Variants in PDE11A observed in about 807,000 individuals in gnomAD.
PDE11A encodes dual 3',5'-cyclic-AMP and -GMP phosphodiesterase 11A.
Under a neutral mutation model 100.5 loss-of-function variants are expected in PDE11A, and 100 were observed. That is an observed-to-expected ratio of 1.00 (90% CI 0.85 to 1.18). The LOEUF is 1.18. Ranked by LOEUF, PDE11A falls within the 50% of genes most tolerant of loss-of-function variation. The pLI is 0.00. For synonymous variants in PDE11A, 381 were observed against 420.8 expected (o/e 0.91, Z 1.16); for missense variants, 1,141 against 1,152.6 (o/e 0.99, Z 0.15).
At chr2:177,704,342 AG>A (rs2081246557) in intron 13 of PDE11A, among the ~76,000 whole-genome samples, 1 of 152,154 alleles carries the variant, frequency 6.6e-6, no homozygotes, top group African/African-American at 2.4e-5. Flanking sequence ...CTCAACTTTG[AG>A]GGGTTTTTTT....
chr2:178,013,093 T>C (rs1163521473), intron 2 of PDE11A, among the ~76,000 whole-genome samples: 2 of 152,200 alleles, frequency 1.3e-5, no homozygotes, highest in African/African-American at 2.4e-5. Flanking sequence ...AGAGGACAGA[T>C]CAAATACCGC....
At chr2:177,847,609 C>A (rs145335639) in intron 5 of PDE11A, among the ~76,000 whole-genome samples, 2 of 152,284 alleles carry the variant, frequency 1.3e-5, no homozygotes, top group African/African-American at 2.4e-5. Flanking sequence ...GACCTCCAAC[C>A]TTTGGGGATA....
chr2:177,845,812 T>C lies in PDE11A; in HGVS notation c.1368-5429A>G, dbSNP rs542146839. Among the ~76,000 whole-genome samples the C allele has an allele frequency of 7.3e-3, 1,105 of 152,284 alleles. 13 individuals are homozygous for C. The highest frequency in any genetic ancestry group is 0.025 in the African/African-American group (1,029 of 41,560). ...GGGAGGCCGAGGCTGGTGGATCACTTGCGGTTAGGGGCTGGAGACCGGCCT... is the reference window on the plus strand; with the variant it reads ...GGGAGGCCGAGGCTGGTGGATCACTCGCGGTTAGGGGCTGGAGACCGGCCT... On this transcript the variant is annotated intron_variant, in intron 5 of 19. Transcript: ENST00000286063.
chr2:178,098,234 A>G lies in PDE11A; in HGVS notation c.162+6068T>C, dbSNP rs187827565. On this transcript the variant is annotated intron_variant, in intron 2 of 20. Coordinates refer to the PDE11A transcript ENST00000358450. ...TAACAATCCCCAGCTGTATTTAAAC[A>G]TCCAAAAACTGGGACAATATAGTTC... Among the ~76,000 whole-genome samples the G allele has an allele frequency of 2.0e-5, 3 of 152,340 alleles. No individual in the cohort carries two copies. In the East Asian group the frequency reaches 5.8e-4, roughly 29 times the overall value.
At chr2:177,629,660 C>T in intron 19 of PDE11A, 98 bp from the exon 20 acceptor site, 1 of 1,245,148 alleles carries the variant, frequency 8.0e-7, no homozygotes, top group Non-Finnish European at 1.2e-6. Context: ...TGGAAACTGG[C>T]TATAGGAAAT....
At chr2:178,042,218 G>A (rs1392189111) in intron 1 of PDE11A, among the ~76,000 whole-genome samples, 1 of 152,154 alleles carries the variant, frequency 6.6e-6, no homozygotes, top group African/African-American at 2.4e-5. Flanking sequence ...GGTAGCTCAT[G>A]CCTGTAAACC....
Position 177,636,271 on chromosome 2 carries a change from A to G in PDE11A, c.2647-6709T>C, listed in dbSNP as rs553827962. Among the ~76,000 whole-genome samples, 17 of 152,244 alleles carry G rather than the reference A, an allele frequency of 1.1e-4. No homozygotes were observed. The East Asian group carries it at 2.9e-3, about 26-fold the overall frequency. On this transcript the variant is annotated intron_variant, in intron 19 of 19. Transcript: ENST00000286063. ...AGAATTTGATCCCTCTCTTCTCTGTATACTCCAGATGCTAATTTCTACACA... is the reference window on the plus strand; with the variant it reads ...AGAATTTGATCCCTCTCTTCTCTGTGTACTCCAGATGCTAATTTCTACACA...
intron 2 of PDE11A, among the ~76,000 whole-genome samples, chr2:177,928,777 C>T (rs1464141243): frequency 1.3e-5 from 2 of 151,756 alleles, no homozygotes; most frequent in African/African-American, 4.8e-5. Context: ...GTGGGAGGAT[C>T]GCTTGGGTGT....
intron 2 of PDE11A, among the ~76,000 whole-genome samples, chr2:178,012,800 T>C (rs1018306491): frequency 2.0e-5 from 3 of 152,186 alleles, no homozygotes; most frequent in African/African-American, 7.2e-5. Context: ...AGGACTACCA[T>C]CTGTGTACAA....
intron 2 of PDE11A, among the ~76,000 whole-genome samples, chr2:177,939,640 T>G: frequency 6.6e-6 from 1 of 152,108 alleles, no homozygotes; most frequent in African/African-American, 2.4e-5. Context: ...CAGAAATAGA[T>G]AGTTACAGAG....
intron 9 of PDE11A, among the ~76,000 whole-genome samples, chr2:177,810,497 C>T (rs2082934543): frequency 6.6e-6 from 1 of 152,044 alleles, no homozygotes; most frequent in Non-Finnish European, 1.5e-5. Flanking sequence ...ATGATGGGAA[C>T]ATTTTGAGTG....
At chr2:177,847,118 C>T (rs1206129844) in intron 5 of PDE11A, among the ~76,000 whole-genome samples, 1 of 152,094 alleles carries the variant, frequency 6.6e-6, no homozygotes, top group Non-Finnish European at 1.5e-5. Context: ...TTATTCGTAC[C>T]ATGCCAGCCC....
At chr2:177,830,655 GTTGTT>G in intron 6 of PDE11A, among the ~76,000 whole-genome samples, 1 of 148,232 alleles carries the variant, frequency 6.7e-6, no homozygotes, top group Non-Finnish European at 1.5e-5. Flanking sequence ...ATAATCAGGT[GTTGTT>G]TTAAGTGCTG....
At chr2:178,050,288 C>T (rs1312305825) in intron 1 of PDE11A, among the ~76,000 whole-genome samples, 1 of 152,182 alleles carries the variant, frequency 6.6e-6, no homozygotes, top group Non-Finnish European at 1.5e-5. Context: ...AGCAGAGGGT[C>T]CTGACTGTTA....
At chr2:177,769,887 A>G (rs1445749451) in intron 9 of PDE11A, among the ~76,000 whole-genome samples, 2 of 42,672 alleles carry the variant, frequency 4.7e-5, no homozygotes, top group African/African-American at 2.1e-4. Context: ...GACCCTATCA[A>G]AAAAAAAAAA....
At chr2:177,845,137 T>A (rs2083561873) in intron 5 of PDE11A, among the ~76,000 whole-genome samples, 1 of 151,112 alleles carries the variant, frequency 6.6e-6, no homozygotes, top group Non-Finnish European at 1.5e-5. Context: ...GCTCCTCACC[T>A]CCCGGACGGG....
intron 2 of PDE11A, among the ~76,000 whole-genome samples, chr2:178,102,428 GTTT>G (rs769341186): frequency 7.2e-5 from 4 of 55,366 alleles, no homozygotes; most frequent in African/African-American, 1.5e-4. Context: ...CCTGGTCTAA[GTTT>G]TTTTTTTTTT....
intron 1 of PDE11A, among the ~76,000 whole-genome samples, chr2:178,054,043 G>T (rs1221256349): frequency 6.6e-6 from 1 of 152,162 alleles, no homozygotes; most frequent in Non-Finnish European, 1.5e-5. Flanking sequence ...AAAAGAGCCC[G>T]CATCGCCAAG....
intron 6 of PDE11A, among the ~76,000 whole-genome samples, chr2:177,823,847 G>A (rs2083184733): frequency 6.6e-6 from 1 of 152,148 alleles, no homozygotes; most frequent in African/African-American, 2.4e-5. Flanking sequence ...TTGGGTTTGA[G>A]GCAGCACCAA....
Sources: gnomAD v4.1 joint callset for allele counts (sites outside exome capture counted in the v4.1 genomes callset) on GRCh38, gnomAD v4.1.1 for gene constraint, MANE v1.5 for transcripts, NCBI Gene and HGNC (gene_info 2026-07-23, HGNC 2026-07-21) for gene names.